Variants in TCF12 observed in about 807,000 individuals in gnomAD.
TCF12 encodes the protein DNA-binding protein HTF4.
In TCF12, 45 loss-of-function variants were observed where a neutral mutation model predicts 86.0. The ratio of observed to expected loss-of-function variants is 0.52; its 90% CI spans 0.41 to 0.67. TCF12 has a LOEUF of 0.67. TCF12 is among the 30% of genes least tolerant of loss of function. The probability of loss-of-function intolerance (pLI) is 0.00; values close to 1 mark genes in which losing one functional copy is unlikely to be tolerated. For synonymous variants in TCF12, 330 were observed against 299.6 expected (o/e 1.10, Z -1.05); for missense variants, 881 against 859.9 (o/e 1.02, Z -0.31).
In TCF12 at chr15:56,995,231, C is replaced by CTTTTTTTTT. The variant is rs557610511; in HGVS notation, c.149-68499_149-68491dup. 9.1e-3 allele frequency among the ~76,000 whole-genome samples: 277 copies of CTTTTTTTTT among 30,292 alleles called. 71 individuals are homozygous for CTTTTTTTTT. The highest frequency in any genetic ancestry group is 0.021 in the East Asian group (14 of 672). 19.9% of individuals were successfully genotyped at this position (30,292 alleles called of 152,430 possible). On this transcript the variant is annotated intron_variant, in intron 3 of 20. Coordinates refer to ENST00000333725, the MANE Select transcript of TCF12 (RefSeq NM_207037.2). ...AAGTCAGGTAATGTGATACCTGCAG[C>CTTTTTTTTT]TTTTTTTTTTTTTTTTTTTTTTTTT...
chr15:57,075,832 C>CTT lies in TCF12; in HGVS notation c.222+12010_222+12011insTT, dbSNP rs763415761. ...TCTCTCTCTCTCTCTCTCTCTCTCT[C>CTT]TCTTTTCTTTCTTTCTTTCTTTCTT... On this transcript the variant is annotated intron_variant, in intron 4 of 20. Transcript: ENST00000333725. 4.3e-4 allele frequency among the ~76,000 whole-genome samples: 24 copies of CTT among 56,082 alleles called. No individual in the cohort carries two copies. The East Asian group carries it at 5.3e-3, about 12-fold the overall frequency. 36.8% of individuals were successfully genotyped at this position (56,082 alleles called of 152,430 possible). A position where few individuals can be genotyped will look rare whatever the true frequency, so the allele number is the denominator to read the frequency against.
intron 3 of TCF12, among the ~76,000 whole-genome samples, chr15:56,928,679 G>A (rs1489100830): frequency 6.6e-6 from 1 of 152,150 alleles, no homozygotes; most frequent in African/African-American, 2.4e-5. Context: ...ATACTTTGTA[G>A]AGTGCAGAAT....
chr15:57,245,217 T>C (rs1335195024), intron 13 of TCF12, among the ~76,000 whole-genome samples: 1 of 152,228 alleles, frequency 6.6e-6, no homozygotes, highest in African/African-American at 2.4e-5. Context: ...TAAGAAGCAT[T>C]CCGGTTTGGG....
chr15:57,160,788 G>A (rs1302181059), intron 5 of TCF12, among the ~76,000 whole-genome samples: 2 of 152,016 alleles, frequency 1.3e-5, no homozygotes, highest in Admixed American at 6.6e-5. Context: ...AAACTCCCAG[G>A]TTCAAGCAGT....
chr15:56,968,867 T>C (rs1642933), intron 3 of TCF12, among the ~76,000 whole-genome samples: 143,215 of 152,218 alleles, frequency 0.94, 67,716 homozygotes, highest in Non-Finnish European at 0.99. Flanking sequence ...TACATTGGTT[T>C]GGTTTGGTTT....
chr15:57,165,297 C>G (rs2054804147), intron 5 of TCF12, among the ~76,000 whole-genome samples: 1 of 152,034 alleles, frequency 6.6e-6, no homozygotes, highest in Non-Finnish European at 1.5e-5. Flanking sequence ...AGTAAAGATG[C>G]TCAAACTAGG....
intron 3 of TCF12, among the ~76,000 whole-genome samples, chr15:57,045,863 T>C (rs1017998134): frequency 3.3e-5 from 5 of 151,000 alleles, no homozygotes; most frequent in Admixed American, 3.3e-4. Flanking sequence ...GAAGTTTTAG[T>C]ACAGAGGCTA....
intron 4 of TCF12, among the ~76,000 whole-genome samples, chr15:57,083,646 G>A (rs372869588): frequency 3.6e-4 from 55 of 152,188 alleles, no homozygotes; most frequent in Admixed American, 6.5e-4. Context: ...ATGCAGTGGC[G>A]TGATACTGGC....
intron 5 of TCF12, among the ~76,000 whole-genome samples, chr15:57,130,980 T>C (rs914780120): frequency 2.6e-5 from 4 of 152,304 alleles, no homozygotes; most frequent in Middle Eastern, 3.4e-3. Context: ...TCCTCACCTT[T>C]CTATATTATT....
intron 3 of TCF12, among the ~76,000 whole-genome samples, chr15:57,015,956 A>G (rs1184079405): frequency 6.6e-6 from 1 of 152,156 alleles, no homozygotes; most frequent in Non-Finnish European, 1.5e-5. Flanking sequence ...TGTAAGAGTG[A>G]TTTTAAGAGA....
intron 5 of TCF12, among the ~76,000 whole-genome samples, chr15:57,095,023 A>G (rs537211391): frequency 2.6e-5 from 4 of 152,360 alleles, no homozygotes; most frequent in South Asian, 2.1e-4. Flanking sequence ...ATTCATGTAT[A>G]TATTTTGAAG....
chr15:57,117,340 C>T (rs1291010186), intron 5 of TCF12, among the ~76,000 whole-genome samples: 1 of 152,066 alleles, frequency 6.6e-6, no homozygotes, highest in Non-Finnish European at 1.5e-5. Context: ...GCCTTCTTAG[C>T]ATCTTTAAAA....
chr15:57,258,442 G>A (rs958794586), intron 16 of TCF12, among the ~76,000 whole-genome samples: 5 of 152,106 alleles, frequency 3.3e-5, no homozygotes, highest in African/African-American at 1.2e-4. Context: ...TGAAAAGTAC[G>A]GTTATTCCTC....
chr15:56,941,605 C>G (rs1595776789), intron 3 of TCF12, among the ~76,000 whole-genome samples: 2 of 151,868 alleles, frequency 1.3e-5, no homozygotes, highest in South Asian at 4.1e-4. Context: ...TAACTCCTGA[C>G]CTCAGGTGAT....
intron 5 of TCF12, among the ~76,000 whole-genome samples, chr15:57,159,253 C>G (rs2054329838): frequency 6.6e-6 from 1 of 152,226 alleles, no homozygotes; most frequent in Non-Finnish European, 1.5e-5. Context: ...GAAGCAAGAG[C>G]TAAGAGACGA....
chr15:57,001,978 A>G (rs1487795744), intron 3 of TCF12, among the ~76,000 whole-genome samples: 1 of 152,240 alleles, frequency 6.6e-6, no homozygotes, highest in African/African-American at 2.4e-5. Flanking sequence ...ACTTTCTAGA[A>G]AGAGAGAAAC....
At chr15:57,282,767 G>C (rs189959797) in intron 20 of TCF12, among the ~76,000 whole-genome samples, 169 bp downstream of exon 20, 2 of 152,222 alleles carry the variant, frequency 1.3e-5, no homozygotes, top group African/African-American at 4.8e-5. Flanking sequence ...GACTTAGAGA[G>C]CCAGTGTCAT....
intron 12 of TCF12, among the ~76,000 whole-genome samples, chr15:57,242,595 G>A (rs947176232): frequency 1.4e-4 from 22 of 152,220 alleles, no homozygotes; most frequent in African/African-American, 4.8e-4. Context: ...TGAACCTGGC[G>A]GGGTGGAGGT....
At chr15:57,215,794 A>G (rs902343910) in intron 8 of TCF12, among the ~76,000 whole-genome samples, 8 of 152,184 alleles carry the variant, frequency 5.3e-5, no homozygotes, top group Middle Eastern at 3.2e-3. Flanking sequence ...AAAAATAGCT[A>G]TAACTGTTGT....
Sources: allele counts gnomAD v4.1 joint callset (sites outside exome capture counted in the v4.1 genomes callset), GRCh38; gene constraint gnomAD v4.1.1; transcripts MANE v1.5; gene names NCBI Gene and HGNC (gene_info 2026-07-23, HGNC 2026-07-21).